The following ROBO2 variants were observed in gnomAD, a reference collection of about 807,000 sequenced individuals.
The protein encoded by ROBO2 is roundabout guidance receptor 2.
Under a neutral mutation model 160.8 loss-of-function variants are expected in ROBO2, and 53 were observed. That is an observed-to-expected ratio of 0.33 (90% CI 0.26 to 0.41). ROBO2 has a LOEUF of 0.41. ROBO2 is among the 10% of genes least tolerant of loss of function. The probability of loss-of-function intolerance (pLI) is 1.00; values close to 1 mark genes in which losing one functional copy is unlikely to be tolerated. For synonymous variants in ROBO2, 664 were observed against 611.7 expected, an observed-to-expected ratio of 1.09 and a Z score of -1.26; for missense variants, 1,577 against 1,722.4, an observed-to-expected ratio of 0.92 and a Z score of 1.49.
At position 76,912,611 on chromosome 3, in the gene ROBO2, A is replaced by T. The variant is rs113079855; in HGVS notation, c.110-185403A>T. On this transcript the variant is annotated intron_variant, in intron 2 of 26. Transcript: ENST00000487694. Reference sequence around the variant, plus strand: ...TAACAGCCAATTGCTCCATTTTCCAATTAAAGACTCTCCAATGAATGAGCT... The same window carrying T: ...TAACAGCCAATTGCTCCATTTTCCATTTAAAGACTCTCCAATGAATGAGCT... 3.5e-3 allele frequency among the ~76,000 whole-genome samples: 534 copies of T among 152,294 alleles called. 4 individuals are homozygous for T. Among genetic ancestry groups the T allele is most frequent in the African/African-American group, 0.012 (514 of 41,568 alleles).
At chr3:76,940,510 A>G (rs547595022) in intron 2 of ROBO2, among the ~76,000 whole-genome samples, 5 of 152,318 alleles carry the variant, frequency 3.3e-5, no homozygotes, top group South Asian at 2.1e-4. Context: ...ATGTTTTACC[A>G]AAAGTGCTTT....
chr3:77,184,579 G>A (rs112930958), intron 2 of ROBO2, among the ~76,000 whole-genome samples: 4,621 of 152,000 alleles, frequency 0.03, 231 homozygotes, highest in African/African-American at 0.1. Flanking sequence ...ATGGGGTTTG[G>A]GTTTGCACAT....
intron 2 of ROBO2, among the ~76,000 whole-genome samples, chr3:76,151,047 C>A (rs991223153): frequency 6.6e-6 from 1 of 152,084 alleles, no homozygotes; most frequent in Non-Finnish European, 1.5e-5. Context: ...TTTGCTGTGT[C>A]TTCCCTCTTC....
chr3:77,648,507 C>T (rs2095427570), exon 26 of ROBO2: 1 of 152,156 alleles, frequency 6.6e-6, no homozygotes, highest in Non-Finnish European at 1.5e-5. Context: ...CAGTGCAGAG[C>T]TTGTGGTTAC....
chr3:76,065,893 T>A (rs951444338), intron 2 of ROBO2, among the ~76,000 whole-genome samples: 2 of 151,934 alleles, frequency 1.3e-5, no homozygotes, highest in African/African-American at 4.8e-5. Flanking sequence ...GAAAAATTGT[T>A]CATCCCATGG....
At chr3:76,820,507 G>C (rs1012979378) in intron 2 of ROBO2, among the ~76,000 whole-genome samples, 1 of 151,890 alleles carries the variant, frequency 6.6e-6, no homozygotes, top group Non-Finnish European at 1.5e-5. Flanking sequence ...TCCTGGTAGG[G>C]CCAATAAAGA....
intron 2 of ROBO2, among the ~76,000 whole-genome samples, chr3:77,379,184 G>A (rs962140747): frequency 3.3e-5 from 5 of 152,140 alleles, no homozygotes; most frequent in African/African-American, 9.7e-5. Context: ...CTGACCTAGT[G>A]ATCCACCTGC....
At chr3:77,625,522 C>T (rs2094995698) in intron 23 of ROBO2, among the ~76,000 whole-genome samples, 1 of 151,970 alleles carries the variant, frequency 6.6e-6, no homozygotes, top group South Asian at 2.1e-4. Flanking sequence ...GGACTACAGA[C>T]GCCCACCACC....
intron 2 of ROBO2, among the ~76,000 whole-genome samples, chr3:76,057,583 T>C (rs970470598): frequency 3.3e-5 from 5 of 152,200 alleles, no homozygotes; most frequent in African/African-American, 1.2e-4. Context: ...GACATGTAGA[T>C]GGAACTTTTT....
intron 2 of ROBO2, among the ~76,000 whole-genome samples, chr3:76,658,605 T>A (rs2091683062): frequency 1.3e-5 from 2 of 152,152 alleles, no homozygotes; most frequent in African/African-American, 4.8e-5. Flanking sequence ...TCTGTCTCTG[T>A]CTTAGTTTGC....
intron 2 of ROBO2, among the ~76,000 whole-genome samples, chr3:76,567,652 T>TAC (rs747034303): frequency 3.1e-5 from 2 of 63,956 alleles, no homozygotes; most frequent in Admixed American, 2.1e-4. Flanking sequence ...TATATATATA[T>TAC]ACACATACAC....
chr3:76,832,560 G>A (rs2067184015), intron 2 of ROBO2, among the ~76,000 whole-genome samples: 1 of 152,142 alleles, frequency 6.6e-6, no homozygotes, highest in Non-Finnish European at 1.5e-5. Flanking sequence ...TTGTTGACCA[G>A]AGTTAATGGA....
intron 2 of ROBO2, among the ~76,000 whole-genome samples, chr3:76,779,973 T>C (rs190221282): frequency 9.9e-4 from 149 of 151,050 alleles, no homozygotes; most frequent in African/African-American, 3.5e-3. Flanking sequence ...AGAAACTCCA[T>C]AGTATTTTCT....
intron 1 of ROBO2, among the ~76,000 whole-genome samples, chr3:77,051,922 T>C (rs1375632514): frequency 6.6e-6 from 1 of 152,236 alleles, no homozygotes; most frequent in Non-Finnish European, 1.5e-5. Context: ...CACGCTGATA[T>C]TTAGTTCTAT....
intron 2 of ROBO2, among the ~76,000 whole-genome samples, chr3:76,076,490 A>G (rs532401157): frequency 6.6e-6 from 1 of 152,336 alleles, no homozygotes; most frequent in South Asian, 2.1e-4. Context: ...CATTATTTTT[A>G]TAGAGGGTGG....
chr3:76,665,876 T>TTA (rs59779503), intron 2 of ROBO2, among the ~76,000 whole-genome samples: 62,192 of 140,452 alleles, frequency 0.44, 14,444 homozygotes, highest in African/African-American at 0.57. Context: ...TATATACGTA[T>TTA]TATATATATA....
At chr3:77,612,260 T>C (rs951681511) in intron 21 of ROBO2, among the ~76,000 whole-genome samples, 6 of 152,202 alleles carry the variant, frequency 3.9e-5, no homozygotes, top group Non-Finnish European at 7.3e-5. Context: ...TCAAATAAGA[T>C]GTATATCTGT....
intron 2 of ROBO2, among the ~76,000 whole-genome samples, chr3:76,619,829 TG>T (rs1264153886): frequency 6.6e-6 from 1 of 152,154 alleles, no homozygotes; most frequent in East Asian, 1.9e-4. Flanking sequence ...GAGCTTTCAG[TG>T]GCTATTTACT....
At chr3:77,128,515 G>A (rs762357145) in intron 2 of ROBO2, among the ~76,000 whole-genome samples, 4 of 152,132 alleles carry the variant, frequency 2.6e-5, no homozygotes, top group African/African-American at 4.8e-5. Flanking sequence ...AACAATATGT[G>A]GATGACTAAT....
Sources: allele counts gnomAD v4.1 joint callset (sites outside exome capture counted in the v4.1 genomes callset), GRCh38; gene constraint gnomAD v4.1.1; transcripts MANE v1.5; gene names NCBI Gene and HGNC (gene_info 2026-07-23, HGNC 2026-07-21).